TEX11: variants seen among roughly 807,000 people sequenced by gnomAD.
TEX11 encodes testis expressed 11.
Under a neutral mutation model 84.4 loss-of-function variants are expected in TEX11, and 7 were observed. That is an observed-to-expected ratio of 0.08 (90% CI 0.05 to 0.16). The LOEUF (loss-of-function observed/expected upper bound fraction) is 0.16, where lower values mean the gene tolerates loss of function less well. TEX11 is among the 10% of genes least tolerant of loss of function. TEX11 has a pLI of 1.00. For synonymous variants in TEX11, 264 were observed against 222.8 expected, an observed-to-expected ratio of 1.18 and a Z score of -1.64; for missense variants, 551 against 660.5, an observed-to-expected ratio of 0.83 and a Z score of 1.82.
In TEX11 at chrX:70,553,112, A is replaced by G. The variant is rs766892986; in HGVS notation, c.2399+194T>C. 3.2e-3 allele frequency among the ~76,000 whole-genome samples: 360 copies of G among 111,859 alleles called. 1 individual carries two copies. The highest frequency in any genetic ancestry group is 5.7e-3 in the Non-Finnish European group (301 of 53,153). Reference sequence around the variant, plus strand: ...TCCCCTTTTTTTTCTCCTTTGGGAAAACCAAGCTCCTTGACTTTGCTAAAT... The same window carrying G: ...TCCCCTTTTTTTTCTCCTTTGGGAAGACCAAGCTCCTTGACTTTGCTAAAT... On this transcript the variant is annotated intron_variant, in intron 27 of 29. Transcript: ENST00000374333.
At chrX:70,605,339 GAAGGCA>G in intron 24 of TEX11, 56 bp downstream of exon 24, 1 of 736,294 alleles carries the variant, frequency 1.4e-6, no homozygotes. Flanking sequence ...CTGCATCAGG[GAAGGCA>G]AACATATCAA....
intron 25 of TEX11, among the ~76,000 whole-genome samples, chrX:70,555,897 T>C (rs1412956628): frequency 8.9e-6 from 1 of 112,165 alleles, no homozygotes; most frequent in Non-Finnish European, 1.9e-5. Flanking sequence ...ACATTTCACC[T>C]AAAATTCTAA....
intron 7 of TEX11, among the ~76,000 whole-genome samples, chrX:70,835,430 G>T (rs780226400): frequency 4.5e-5 from 5 of 112,255 alleles, no homozygotes; most frequent in Non-Finnish European, 9.4e-5. Context: ...TAAAGTAAAA[G>T]AAGTCTTAAA....
intron 25 of TEX11, among the ~76,000 whole-genome samples, chrX:70,575,598 A>G (rs1405498156): frequency 9.0e-6 from 1 of 111,686 alleles, no homozygotes; most frequent in South Asian, 3.8e-4. Flanking sequence ...CCCTCACCAG[A>G]AAACTGAACC....
At chrX:70,650,350 G>A (rs1198363469) in intron 17 of TEX11, among the ~76,000 whole-genome samples, 1 of 111,252 alleles carries the variant, frequency 9.0e-6, no homozygotes, top group East Asian at 2.8e-4. Context: ...GAAATAAAAG[G>A]GTTGATCTGA....
chrX:70,801,357 T>C (rs1045540055), intron 9 of TEX11, among the ~76,000 whole-genome samples: 4 of 111,754 alleles, frequency 3.6e-5, no homozygotes, highest in African/African-American at 9.8e-5. Context: ...TTTTGATGGC[T>C]GAATCTTGAT....
chrX:70,844,162 G>A lies in TEX11; in HGVS notation c.525+8872C>T, dbSNP rs1257123655. Reference sequence around the variant, plus strand: ...TGCTGCTATAAAGACACATGCACACGTATGTTTATAGCGGCACTATTCACA... The same window carrying A: ...TGCTGCTATAAAGACACATGCACACATATGTTTATAGCGGCACTATTCACA... On this transcript the variant is annotated intron_variant, in intron 7 of 29. Transcript: ENST00000374333. Among the ~76,000 whole-genome samples the A allele has an allele frequency of 7.3e-5, 8 of 109,962 alleles. No individual in the cohort carries two copies. In the East Asian group the frequency reaches 1.7e-3, roughly 24 times the overall value.
intron 16 of TEX11, among the ~76,000 whole-genome samples, chrX:70,660,445 T>C (rs1188696989): frequency 8.9e-6 from 1 of 112,587 alleles, no homozygotes. Flanking sequence ...TATATCCTTA[T>C]TCTACAAGAT....
chrX:70,617,271 A>C (rs1206853363), intron 20 of TEX11, among the ~76,000 whole-genome samples: 1 of 108,514 alleles, frequency 9.2e-6, no homozygotes, highest in African/African-American at 3.3e-5. Flanking sequence ...AGAGAGAAGG[A>C]AAATGATATA....
chrX:70,608,565 C>T (rs1212144752), intron 22 of TEX11, among the ~76,000 whole-genome samples: 1 of 109,317 alleles, frequency 9.1e-6, no homozygotes, highest in Non-Finnish European at 1.9e-5. Context: ...CACGGTGAAA[C>T]CCCATCTCTA....
At chrX:70,832,979 T>C (rs770504538) in intron 8 of TEX11, among the ~76,000 whole-genome samples, 14 of 111,868 alleles carry the variant, frequency 1.3e-4, no homozygotes, top group Admixed American at 1.9e-4. Flanking sequence ...TTAAGAAATA[T>C]TCCATATCAG....
At chrX:70,886,762 G>A (rs2091711337) in intron 2 of TEX11, among the ~76,000 whole-genome samples, 1 of 111,635 alleles carries the variant, frequency 9.0e-6, no homozygotes, top group South Asian at 3.8e-4. Context: ...CAGGCTCAGA[G>A]AATAGAGCAA....
rs189604332 is a variant in TEX11, at chrX:70,739,952, C to T, written c.843+749G>A. 4.0e-4 allele frequency among the ~76,000 whole-genome samples: 45 copies of T among 111,467 alleles called. 1 individual carries two copies. The highest frequency in any genetic ancestry group is 1.2e-3 in the African/African-American group (37 of 30,728). On this transcript the variant is annotated intron_variant, in intron 11 of 29. Coordinates refer to ENST00000374333, the MANE Select transcript of TEX11 (RefSeq NM_031276.3). ...AAATACAGGCATGTGTCACCACGCC[C>T]GCTTTGTATTCATGTTTTTAGGTAT...
At chrX:70,750,388 G>A (rs373063508) in intron 9 of TEX11, among the ~76,000 whole-genome samples, 5 of 111,355 alleles carry the variant, frequency 4.5e-5, no homozygotes, top group Admixed American at 9.5e-5. Context: ...ATCTAGAACT[G>A]GAAATACCAT....
At chrX:70,735,373 A>C (rs747835829) in intron 11 of TEX11, among the ~76,000 whole-genome samples, 3 of 112,104 alleles carry the variant, frequency 2.7e-5, no homozygotes, top group Non-Finnish European at 5.6e-5. Context: ...TCTTGTATAC[A>C]GAAAATCCTA....
intron 8 of TEX11, among the ~76,000 whole-genome samples, chrX:70,831,752 C>A (rs2147831583): frequency 9.0e-6 from 1 of 111,153 alleles, no homozygotes; most frequent in African/African-American, 3.3e-5. Flanking sequence ...TTGAAAATTG[C>A]TAAGAAAGTA....
chrX:70,806,674 G>A (rs1450303060), intron 9 of TEX11, 31 bp downstream of exon 9: 6 of 983,425 alleles, frequency 6.1e-6, no homozygotes, highest in East Asian at 3.2e-5. Context: ...TAATATTCCC[G>A]AGTTTACATT....
intron 5 of TEX11, among the ~76,000 whole-genome samples, chrX:70,853,789 A>C (rs2091521203): frequency 8.9e-6 from 1 of 112,257 alleles, no homozygotes; most frequent in East Asian, 2.8e-4. Flanking sequence ...ACAGTATTGT[A>C]ACTGGTAGAT....
At chrX:70,852,692 T>C (rs2091515118) in intron 7 of TEX11, among the ~76,000 whole-genome samples, 1 of 112,019 alleles carries the variant, frequency 8.9e-6, no homozygotes, top group Admixed American at 9.5e-5. Flanking sequence ...GAGAAGGCTC[T>C]TTTCAGGCAA....
Sources: gnomAD v4.1 joint callset for allele counts (sites outside exome capture counted in the v4.1 genomes callset) on GRCh38, gnomAD v4.1.1 for gene constraint, MANE v1.5 for transcripts, NCBI Gene and HGNC (gene_info 2026-07-23, HGNC 2026-07-21) for gene names.